CTSH: variants seen among roughly 807,000 people sequenced by gnomAD.
CTSH encodes pro-cathepsin H.
A neutral mutation model predicts 56.3 loss-of-function variants in CTSH; 52 were observed. The observed-to-expected ratio is 0.92, with a 90% CI of 0.74 to 1.16. The LOEUF is 1.16. Ranked by LOEUF, CTSH falls within the 50% of genes most tolerant of loss-of-function variation. The probability of loss-of-function intolerance (pLI) is 0.00; values close to 1 mark genes in which losing one functional copy is unlikely to be tolerated. For synonymous variants in CTSH, 174 were observed against 155.7 expected (o/e 1.12, Z -0.88); for missense variants, 406 against 424.5 (o/e 0.96, Z 0.38).
intron 3 of CTSH, among the ~76,000 whole-genome samples, chr15:78,936,076 G>C (rs2055168002): frequency 6.6e-6 from 1 of 151,988 alleles, no homozygotes; most frequent in African/African-American, 2.4e-5. Context: ...GCTAGGTAAA[G>C]AACCACTCCA....
intron 1 of CTSH, among the ~76,000 whole-genome samples, chr15:78,941,403 G>A (rs2055284786): frequency 9.2e-6 from 1 of 109,200 alleles, no homozygotes; most frequent in Non-Finnish European, 1.7e-5. Context: ...CAGCCTGGGC[G>A]ACAAAGCGAG....
At chr15:78,934,748 G>A (rs2055137239) in intron 5 of CTSH, 1 of 601,224 alleles carries the variant, frequency 1.7e-6, no homozygotes, top group African/African-American at 1.8e-5. Context: ...GGGAAGGAAG[G>A]GAGTAAACTT....
chr15:78,935,851 T>G, intron 3 of CTSH, 101 bp from the exon 4 acceptor site: 1 of 772,416 alleles, frequency 1.3e-6, no homozygotes, highest in South Asian at 1.6e-5. Context: ...TGTGTCGTAT[T>G]TAGAACCACT....
chr15:78,931,190 G>T (rs1444589326), intron 7 of CTSH, among the ~76,000 whole-genome samples: 3 of 152,096 alleles, frequency 2.0e-5, no homozygotes, highest in African/African-American at 7.2e-5. Context: ...CTTGGTGGCG[G>T]GTGAGGCCAA....
At chr15:78,927,828 T>C (rs1456765821) in intron 8 of CTSH, 47 bp from the exon 9 acceptor site, 1 of 1,512,476 alleles carries the variant, frequency 6.6e-7, no homozygotes, top group South Asian at 1.1e-5. Context: ...GGACCCGAAG[T>C]CTCAGCCTCC....
At chr15:78,943,991 A>G (rs1447213134) in intron 1 of CTSH, among the ~76,000 whole-genome samples, 4 of 152,088 alleles carry the variant, frequency 2.6e-5, no homozygotes, top group Non-Finnish European at 5.9e-5. Flanking sequence ...GCCCAGATTC[A>G]GCCTCAGTGA....
Position 78,937,419 on chromosome 15 carries a change from C to G in CTSH, c.128G>C (p.Arg43Pro). The G allele has an allele frequency of 6.2e-7, 1 of 1,613,406 alleles. No homozygotes were observed. Among genetic ancestry groups the G allele is most frequent in the South Asian group, 1.1e-5 (1 of 91,064 alleles). The change falls in exon 3 of 12, where the codon CGT becomes CCT. Residue 43 changes from arginine to proline, a missense_variant. Transcript: ENST00000220166. ...GTACTCCTCCGTACTGTAGGTCTTACGGTGCTAAAACAAAACACGCCAGTA... is the reference window on the plus strand; with the variant it reads ...GTACTCCTCCGTACTGTAGGTCTTAGGGTGCTAAAACAAAACACGCCAGTA... ...FHFKSWMSKH[R>P]KTYSTEEYHH...
chr15:78,923,145 G>A (rs1349701623), intron 10 of CTSH, 27 bp from the exon 11 acceptor site: 4 of 1,611,730 alleles, frequency 2.5e-6, no homozygotes, highest in Non-Finnish European at 3.4e-6. Context: ...AAAAAGAGGT[G>A]ATCATATGGG....
rs2054767426 is a variant in CTSH at position 78,921,427 on chromosome 15, G to C, written c.*703C>G. On this transcript the variant is annotated 3_prime_UTR_variant, in exon 12 of 12. Transcript: ENST00000220166. ...GGGTGGGCAGTCTCATGTGGAGGTG[G>C]GGGGCAGAGTCTGAGTAGGAGTAGG... 1 of 152,300 alleles carries C rather than the reference G, an allele frequency of 6.6e-6. No homozygotes were observed. Among genetic ancestry groups the C allele is most frequent in the Admixed American group, 6.5e-5 (1 of 15,278 alleles). 9.4% of individuals were successfully genotyped at this position (152,300 alleles called of 1,614,324 possible).
rs771175901 is a variant in CTSH, at chr15:78,922,162, CA to C, written c.975del (p.Ala326ProfsTer69). 5 of 1,581,372 alleles carry C rather than the reference CA, an allele frequency of 3.2e-6. No individual in the cohort carries two copies. In the East Asian group the frequency reaches 6.9e-5, roughly 22 times the overall value. ...AGAGGGATGGGGTAGGAGGCGCAGG[CA>C]GCCAGGCCACACATGTTCTTTCCGC... ...IERGKNMCGL[A>X]ACASYPIPLV On this transcript the variant is annotated frameshift_variant, in exon 12 of 12. Transcript: ENST00000220166. LOFTEE classifies it high-confidence loss of function.
Position 78,937,333 on chromosome 15 carries a change from T to C in CTSH, c.214A>G (p.Asn72Asp), listed in dbSNP as rs1243739973. The C allele has an allele frequency of 2.5e-6, 4 of 1,613,882 alleles. No individual in the cohort carries two copies. The African/African-American group carries it at 5.3e-5, about 22-fold the overall frequency. ...WRKINAHNNG[N>D]HTFKMALNQF... ...TTCCACGTACTTTTAAATGTGTGGT[T>C]CCCATTGTTGTGGGCGTTTATCTTC... The change falls in exon 3 of 12, where the codon AAC becomes GAC. Residue 72 changes from asparagine (N) to aspartate (D), a missense_variant. Transcript: ENST00000220166.
At position 78,924,062 on chromosome 15, in the gene CTSH, A is replaced by G. The variant is rs1207703047; in HGVS notation, c.807-944T>C. ...AGGGCTCTGACAGTGGGAGGGCGAC[A>G]GAGCCCCCAGGAGGTGGGGGGGATC... is the stretch of plus-strand genomic sequence containing the variant. On this transcript the variant is annotated intron_variant, in intron 10 of 11. Transcript: ENST00000220166. Among the ~76,000 whole-genome samples the G allele has an allele frequency of 1.9e-4, 24 of 123,484 alleles. No homozygotes were observed. In the Admixed American group the frequency reaches 2.3e-3, roughly 12 times the overall value. 81.0% of individuals were successfully genotyped at this position (123,484 alleles called of 152,430 possible). A position where few individuals can be genotyped will look rare whatever the true frequency, so the allele number is the denominator to read the frequency against.
intron 7 of CTSH, among the ~76,000 whole-genome samples, chr15:78,930,533 A>G (rs1302045229): frequency 1.5e-5 from 2 of 137,296 alleles, no homozygotes; most frequent in East Asian, 4.2e-4. Context: ...TCTCAAAAAA[A>G]GAAAAAATAA....
At chr15:78,944,748 T>C in intron 1 of CTSH, 143 bp downstream of exon 1, 2 of 1,337,368 alleles carry the variant, frequency 1.5e-6, no homozygotes, top group Non-Finnish European at 1.9e-6. Context: ...CCCCTCCCCG[T>C]GCCAGCACGC....
chr15:78,935,975 G>A (rs368851497), intron 3 of CTSH, among the ~76,000 whole-genome samples: 5 of 151,952 alleles, frequency 3.3e-5, no homozygotes. Context: ...TAGATGTCCG[G>A]GCCGTACTCC....
chr15:78,925,243 G>A, intron 10 of CTSH, 91 bp downstream of exon 10: 1 of 794,178 alleles, frequency 1.3e-6, no homozygotes, highest in Non-Finnish European at 2.2e-6. Context: ...CAGGAGTCTG[G>A]GCCACGAGCC....
At chr15:78,923,177 C>G (rs1490011378) in intron 10 of CTSH, 59 bp from the exon 11 acceptor site, 10 of 1,595,196 alleles carry the variant, frequency 6.3e-6, no homozygotes, top group Non-Finnish European at 8.5e-6. Flanking sequence ...CAATGACAGT[C>G]CCATCCAACA....
intron 9 of CTSH, 162 bp from the exon 10 acceptor site, chr15:78,925,602 T>A (rs1596270381): frequency 5.2e-6 from 3 of 576,688 alleles, no homozygotes; most frequent in Non-Finnish European, 9.5e-6. Context: ...TCTGGCTGGG[T>A]CTGTCTGGCC....
At chr15:78,936,810 G>A (rs897894878) in intron 3 of CTSH, among the ~76,000 whole-genome samples, 3 of 152,076 alleles carry the variant, frequency 2.0e-5, no homozygotes, top group African/African-American at 7.2e-5. Context: ...TGTATTTTTA[G>A]TAGAGATGGG....
Sources: allele counts gnomAD v4.1 joint callset (sites outside exome capture counted in the v4.1 genomes callset), GRCh38; gene constraint gnomAD v4.1.1; transcripts MANE v1.5; gene names NCBI Gene and HGNC (gene_info 2026-07-23, HGNC 2026-07-21).